Variants in TSHZ1 observed in about 807,000 individuals in gnomAD.
The protein encoded by TSHZ1 is teashirt zinc finger homeobox 1.
A neutral mutation model predicts 67.1 loss-of-function variants in TSHZ1; 12 were observed. The observed-to-expected ratio is 0.18, with a 90% CI of 0.11 to 0.29. TSHZ1 has a LOEUF of 0.29. Among genes scored for constraint, TSHZ1 ranks in the 10% least tolerant of loss-of-function variants. The pLI is 1.00. For synonymous variants in TSHZ1, 632 were observed against 622.4 expected, an observed-to-expected ratio of 1.02 and a Z score of -0.23; for missense variants, 1,305 against 1,413.9, an observed-to-expected ratio of 0.92 and a Z score of 1.23.
At chr18:75,220,278 T>A (rs1599024446) in intron 1 of TSHZ1, among the ~76,000 whole-genome samples, 1 of 152,292 alleles carries the variant, frequency 6.6e-6, no homozygotes, top group East Asian at 1.9e-4. Context: ...TAGGAAATAG[T>A]GAATTGCATA....
At chr18:75,279,705 G>A (rs2023661900) in intron 1 of TSHZ1, among the ~76,000 whole-genome samples, 1 of 152,214 alleles carries the variant, frequency 6.6e-6, no homozygotes, top group Non-Finnish European at 1.5e-5. Context: ...CTGCATCCCT[G>A]ATGGTTCCAA....
chr18:75,279,172 G>T (rs920331530), intron 1 of TSHZ1, among the ~76,000 whole-genome samples: 15 of 152,106 alleles, frequency 9.9e-5, no homozygotes, highest in Non-Finnish European at 1.6e-4. Flanking sequence ...AGTGAGAAAT[G>T]GTGCCCAGTG....
At chr18:75,274,583 A>G (rs1028063401) in intron 1 of TSHZ1, among the ~76,000 whole-genome samples, 1 of 152,260 alleles carries the variant, frequency 6.6e-6, no homozygotes, top group Non-Finnish European at 1.5e-5. Context: ...AAAGATTGTT[A>G]GAAAACTGTA....
chr18:75,246,647 A>C (rs551653186), intron 1 of TSHZ1, among the ~76,000 whole-genome samples: 4 of 152,234 alleles, frequency 2.6e-5, no homozygotes, highest in African/African-American at 9.6e-5. Flanking sequence ...CATGGGGTTT[A>C]AAGGGGTGAT....
intron 1 of TSHZ1, among the ~76,000 whole-genome samples, chr18:75,237,800 A>G (rs1402871534): frequency 6.7e-6 from 1 of 150,144 alleles, no homozygotes; most frequent in Non-Finnish European, 1.5e-5. Context: ...TCATTTATTT[A>G]TTTATTTATT....
chr18:75,288,179 G>A lies in TSHZ1; in HGVS notation c.2772G>A (p.Gln924=), dbSNP rs1263514221. ...GKYIMSDLGP[Q]ERVHISKFTG... Reference sequence around the variant, plus strand: ...ACATCATGTCGGACTTGGGCCCGCAGGAGAGGGTGCACATCTCGAAGTTTA... The same window carrying A: ...ACATCATGTCGGACTTGGGCCCGCAAGAGAGGGTGCACATCTCGAAGTTTA... Residue 924 remains glutamine, a synonymous_variant, in exon 2 of 2, where the codon CAG becomes CAA. Transcript: ENST00000580243. This position sits in a 1 kb window ranked among gnomAD's most constrained non-coding sequence, Gnocchi z 4.9. The A allele has an allele frequency of 1.9e-6, 3 of 1,614,224 alleles. No individual in the cohort carries two copies. In the South Asian group the frequency reaches 3.3e-5, roughly 18 times the overall value.
chr18:75,224,089 CTT>C (rs57507792), intron 1 of TSHZ1, among the ~76,000 whole-genome samples: 5 of 133,212 alleles, frequency 3.8e-5, no homozygotes, highest in Non-Finnish European at 4.9e-5. Flanking sequence ...AAGATCCTCA[CTT>C]TTTTTTTTTT....
intron 1 of TSHZ1, among the ~76,000 whole-genome samples, chr18:75,276,870 A>G (rs2023619140): frequency 6.6e-6 from 1 of 152,214 alleles, no homozygotes; most frequent in South Asian, 2.1e-4. Context: ...TTGAACATCC[A>G]TTCGTCTTTC....
chr18:75,258,998 C>T (rs1367145036), intron 1 of TSHZ1, among the ~76,000 whole-genome samples: 1 of 152,206 alleles, frequency 6.6e-6, no homozygotes, highest in Non-Finnish European at 1.5e-5. Context: ...GGTCACTCAT[C>T]TTTTGCCCTT....
At chr18:75,268,453 G>A (rs2023518695) in intron 1 of TSHZ1, among the ~76,000 whole-genome samples, 2 of 152,168 alleles carry the variant, frequency 1.3e-5, no homozygotes, top group Non-Finnish European at 1.5e-5. Context: ...AGACATCAAA[G>A]CTGAGTGGCA....
intron 1 of TSHZ1, among the ~76,000 whole-genome samples, 175 bp downstream of exon 1, chr18:75,212,091 AC>A (rs1044206435): frequency 2.1e-4 from 32 of 151,692 alleles, no homozygotes; most frequent in Admixed American, 1.9e-3. Context: ...CCTCCCCCAC[AC>A]CCCCAACCTG....
chr18:75,280,602 C>T (rs751171090), intron 1 of TSHZ1: 11 of 266,152 alleles, frequency 4.1e-5, no homozygotes, highest in Non-Finnish European at 5.8e-5. Flanking sequence ...ATGTTTCCAT[C>T]ATTTGTTTCC....
rs139943074 is a variant in TSHZ1, at chr18:75,287,864, G to T, written c.2457G>T (p.Pro819=). 1.9e-6 allele frequency: 3 copies of T among 1,614,174 alleles called. No homozygotes were observed. Among genetic ancestry groups the T allele is most frequent in the Non-Finnish European group, 2.5e-6 (3 of 1,180,038 alleles). Residue 819 remains proline (P), a synonymous_variant, in exon 2 of 2, where the codon CCG becomes CCT. Coordinates refer to ENST00000580243, the MANE Select transcript of TSHZ1 (RefSeq NM_001308210.2). The surrounding 1 kb of genome is among the most constrained non-coding windows in gnomAD (Gnocchi z 5.0). ...ACTTAACCAAGTCCAAGAACAAGCC[G>T]CTGGTGTCCAGCGTGGCTGATTCGG... is the stretch of plus-strand genomic sequence containing the variant. ...PIDLTKSKNK[P]LVSSVADSVA...
At chr18:75,227,361 A>G (rs893765375) in intron 1 of TSHZ1, among the ~76,000 whole-genome samples, 1 of 152,084 alleles carries the variant, frequency 6.6e-6, no homozygotes, top group African/African-American at 2.4e-5. Flanking sequence ...TCCCGCCTGC[A>G]TAAAGACAGT....
intron 1 of TSHZ1, among the ~76,000 whole-genome samples, chr18:75,264,139 A>C (rs1195658282): frequency 1.3e-5 from 2 of 152,266 alleles, no homozygotes; most frequent in African/African-American, 4.8e-5. Context: ...ACTCATTTAT[A>C]AGATGATAGT....
intron 1 of TSHZ1, among the ~76,000 whole-genome samples, chr18:75,275,569 T>A (rs2581643): frequency 1.2e-4 from 18 of 152,022 alleles, no homozygotes; most frequent in African/African-American, 4.4e-4. Flanking sequence ...TGTTTCTCAT[T>A]GGGGCGAGCC....
chr18:75,275,255 C>T (rs2023602138), intron 1 of TSHZ1, among the ~76,000 whole-genome samples: 2 of 152,180 alleles, frequency 1.3e-5, no homozygotes, highest in Non-Finnish European at 2.9e-5. Context: ...CTGTGGAAGA[C>T]CCCTTCACTC....
chr18:75,269,781 C>G (rs888126246), intron 1 of TSHZ1, among the ~76,000 whole-genome samples: 18 of 152,140 alleles, frequency 1.2e-4, no homozygotes, highest in African/African-American at 3.9e-4. Context: ...TAAACTGAAA[C>G]TCGGTACCCA....
At chr18:75,227,187 A>G (rs1305167644) in intron 1 of TSHZ1, among the ~76,000 whole-genome samples, 1 of 152,132 alleles carries the variant, frequency 6.6e-6, no homozygotes, top group Non-Finnish European at 1.5e-5. Context: ...CTGGTATCCA[A>G]ATTCATAGGT....
Sources: allele counts gnomAD v4.1 joint callset (sites outside exome capture counted in the v4.1 genomes callset), GRCh38; gene constraint gnomAD v4.1.1; non-coding constraint Gnocchi (gnomAD v3.1); transcripts MANE v1.5; gene names NCBI Gene and HGNC (gene_info 2026-07-23, HGNC 2026-07-21).